Variants in UBAC2 observed in about 807,000 individuals in gnomAD.
The protein encoded by UBAC2 is ubiquitin-associated domain-containing protein 2.
A neutral mutation model predicts 44.0 loss-of-function variants in UBAC2; 26 were observed. The observed-to-expected ratio is 0.59, with a 90% CI of 0.43 to 0.82. UBAC2 has a LOEUF of 0.82. UBAC2 is among the 40% of genes least tolerant of loss of function. The probability of loss-of-function intolerance (pLI) is 0.00; values close to 1 mark genes in which losing one functional copy is unlikely to be tolerated. For synonymous variants in UBAC2, 155 were observed against 154.3 expected, an observed-to-expected ratio of 1.00 and a Z score of -0.04; for missense variants, 329 against 419.4, an observed-to-expected ratio of 0.78 and a Z score of 1.88.
At chr13:99,218,882 G>C (rs2142679751) in intron 1 of UBAC2, among the ~76,000 whole-genome samples, 1 of 152,254 alleles carries the variant, frequency 6.6e-6, no homozygotes, top group African/African-American at 2.4e-5. Context: ...TTTTCTTTTA[G>C]GAAGTCCAGA....
intron 4 of UBAC2, among the ~76,000 whole-genome samples, chr13:99,264,997 G>C (rs1344361169): frequency 2.7e-5 from 4 of 147,156 alleles, no homozygotes; most frequent in African/African-American, 5.0e-5. Flanking sequence ...TTGTTCTTCA[G>C]TGTGTATGTT....
intron 4 of UBAC2, among the ~76,000 whole-genome samples, chr13:99,252,223 C>T (rs1477882917): frequency 6.6e-6 from 1 of 152,246 alleles, no homozygotes; most frequent in Non-Finnish European, 1.5e-5. Flanking sequence ...ATTAATTGTC[C>T]TTATATGTGT....
intron 5 of UBAC2, among the ~76,000 whole-genome samples, chr13:99,317,467 G>T (rs764092943): frequency 2.0e-5 from 3 of 152,104 alleles, no homozygotes; most frequent in Non-Finnish European, 2.9e-5. Flanking sequence ...ACTTTGTTCT[G>T]TTATTTAGTT....
chr13:99,201,336 ACCGAACTAACTC>A, intron 1 of UBAC2: 2 of 1,525,322 alleles, frequency 1.3e-6, no homozygotes, highest in Non-Finnish European at 1.8e-6. Context: ...GGCTTGGGGG[ACCGAACTAACTC>A]CCCCCGCCCC....
chr13:99,203,665 C>G (rs1361968789), intron 1 of UBAC2, among the ~76,000 whole-genome samples: 5 of 152,140 alleles, frequency 3.3e-5, no homozygotes, highest in African/African-American at 1.2e-4. Context: ...AACAGGCTAA[C>G]AAGTCAGTAT....
chr13:99,283,539 T>C (rs929909752), intron 4 of UBAC2, among the ~76,000 whole-genome samples: 2 of 152,062 alleles, frequency 1.3e-5, no homozygotes, highest in African/African-American at 4.8e-5. Context: ...TTTAAATGAA[T>C]AGCCACAAGC....
At chr13:99,361,312 T>A (rs571591207) in intron 7 of UBAC2, among the ~76,000 whole-genome samples, 7 of 152,302 alleles carry the variant, frequency 4.6e-5, no homozygotes, top group African/African-American at 1.7e-4. Flanking sequence ...AGGAAACATT[T>A]CCTGTTTATA....
chr13:99,318,900 T>G (rs963367305), intron 6 of UBAC2, among the ~76,000 whole-genome samples: 12 of 151,354 alleles, frequency 7.9e-5, no homozygotes, highest in Admixed American at 2.0e-4. Context: ...AAGGTAATTT[T>G]GATGAAAGTT....
intron 4 of UBAC2, among the ~76,000 whole-genome samples, chr13:99,270,273 G>A (rs1290306433): frequency 6.6e-6 from 1 of 152,128 alleles, no homozygotes; most frequent in African/African-American, 2.4e-5. Context: ...AGAATTGTAA[G>A]CAGATATTTT....
chr13:99,303,360 C>T (rs1208242891), intron 4 of UBAC2, among the ~76,000 whole-genome samples: 2 of 152,210 alleles, frequency 1.3e-5, no homozygotes, highest in Admixed American at 1.3e-4. Context: ...TGCTTGAGCA[C>T]GGGAATTCTT....
chr13:99,233,605 C>A, intron 1 of UBAC2, among the ~76,000 whole-genome samples: 1 of 151,996 alleles, frequency 6.6e-6, no homozygotes, highest in Non-Finnish European at 1.5e-5. Flanking sequence ...TCCACCTGGA[C>A]CATCTGAACG....
Position 99,295,100 on chromosome 13 carries a change from G to A in UBAC2, c.390-18997G>A, listed in dbSNP as rs1259543839. ...AGACTTGGAATGTATCATCATCTGC[G>A]TTTCTGTCATTTCACGTGAATTTTC... On this transcript the variant is annotated intron_variant, in intron 4 of 8. Transcript: ENST00000403766. The surrounding 1 kb of genome is among the most constrained non-coding windows in gnomAD (Gnocchi z 4.1). 4 of 1,614,002 alleles carry A rather than the reference G, an allele frequency of 2.5e-6. No homozygotes were observed. The highest frequency in any genetic ancestry group is 1.1e-5 in the South Asian group (1 of 91,066).
chr13:99,374,570 A>G (rs2045455364), intron 8 of UBAC2, among the ~76,000 whole-genome samples: 1 of 152,222 alleles, frequency 6.6e-6, no homozygotes, highest in Admixed American at 6.5e-5. Flanking sequence ...TGTATTTAGT[A>G]TTAGAGAATC....
intron 7 of UBAC2, among the ~76,000 whole-genome samples, chr13:99,360,515 G>T (rs553985215): frequency 6.6e-6 from 1 of 152,244 alleles, no homozygotes; most frequent in East Asian, 1.9e-4. Flanking sequence ...AGTTATTCTG[G>T]CTCTAGAGAC....
At chr13:99,201,115 C>T (rs891827995) in intron 1 of UBAC2, 176 bp downstream of exon 1, 36 of 1,351,534 alleles carry the variant, frequency 2.7e-5, no homozygotes, top group Non-Finnish European at 3.4e-5. Flanking sequence ...AAACCGCCCC[C>T]ATTTCGGCCT....
In UBAC2 at chr13:99,215,321, C is replaced by G. The variant is rs1245770562; in HGVS notation, c.31+14382C>G. The stretch of plus-strand genomic sequence containing the variant: ...GTCCACTGGCATCACCAACACTGGA[C>G]AGCTGTTCTTTTATTTAGAGTCCTG... On this transcript the variant is annotated intron_variant, in intron 1 of 8. Transcript: ENST00000403766. The G allele has an allele frequency of 3.7e-6, 3 of 805,530 alleles. No individual in the cohort carries two copies. The African/African-American group carries it at 5.0e-5, about 14-fold the overall frequency. 49.9% of individuals were successfully genotyped at this position (805,530 alleles called of 1,614,324 possible).
intron 6 of UBAC2, among the ~76,000 whole-genome samples, chr13:99,337,843 C>T (rs1397262723): frequency 2.0e-5 from 3 of 151,992 alleles, no homozygotes; most frequent in Admixed American, 2.0e-4. Context: ...TGCCTCTTAC[C>T]CAGACTTAAG....
At chr13:99,340,665 C>T (rs2044872400) in intron 7 of UBAC2, 100 bp downstream of exon 7, 1 of 1,306,252 alleles carries the variant, frequency 7.7e-7, no homozygotes, top group Non-Finnish European at 1.0e-6. Context: ...CATTTTATTC[C>T]AGTGCCTTGC....
chr13:99,207,838 C>G (rs920327714), intron 1 of UBAC2, among the ~76,000 whole-genome samples: 3 of 152,152 alleles, frequency 2.0e-5, no homozygotes, highest in Admixed American at 6.6e-5. Flanking sequence ...CCCCTGCATA[C>G]TGCTAAAATG....
Sources: gnomAD v4.1 joint callset for allele counts (sites outside exome capture counted in the v4.1 genomes callset) on GRCh38, gnomAD v4.1.1 for gene constraint, Gnocchi (gnomAD v3.1) non-coding constraint, MANE v1.5 for transcripts, NCBI Gene and HGNC (gene_info 2026-07-23, HGNC 2026-07-21) for gene names.